Variants in FHIT observed in about 807,000 individuals in gnomAD.
The protein encoded by FHIT is fragile histidine triad diadenosine triphosphatase.
A neutral mutation model predicts 17.9 loss-of-function variants in FHIT; 19 were observed. That is an observed-to-expected ratio of 1.06 (90% CI 0.74 to 1.56). The LOEUF (loss-of-function observed/expected upper bound fraction) is 1.56, where lower values mean the gene tolerates loss of function less well. FHIT is among the 40% of genes most tolerant of loss of function. FHIT has a pLI of 0.00. For synonymous variants in FHIT, 81 were observed against 69.7 expected, an observed-to-expected ratio of 1.16 and a Z score of -0.81; for missense variants, 248 against 189.2, an observed-to-expected ratio of 1.31 and a Z score of -1.82.
chr3:59,907,602 CATGT>C (rs1446093784), intron 8 of FHIT, among the ~76,000 whole-genome samples: 1 of 152,196 alleles, frequency 6.6e-6, no homozygotes, highest in Non-Finnish European at 1.5e-5. Context: ...CACGTGCATG[CATGT>C]GTGTGCATGT....
chr3:59,910,904 A>G (rs1003094173), intron 8 of FHIT, among the ~76,000 whole-genome samples: 5 of 152,218 alleles, frequency 3.3e-5, no homozygotes, highest in African/African-American at 4.8e-5. Context: ...GAAGGAAAAA[A>G]AATTGAAAAC....
At chr3:61,016,137 A>G (rs892563623) in intron 3 of FHIT, among the ~76,000 whole-genome samples, 18 of 152,204 alleles carry the variant, frequency 1.2e-4, no homozygotes, top group African/African-American at 3.9e-4. Context: ...AATTATCTGA[A>G]GCTCATAAGC....
intron 8 of FHIT, among the ~76,000 whole-genome samples, chr3:59,768,434 G>C (rs951299649): frequency 6.6e-6 from 1 of 152,142 alleles, no homozygotes; most frequent in African/African-American, 2.4e-5. Flanking sequence ...TGCACATACT[G>C]TTCTCCCTGC....
At chr3:60,249,267 T>G (rs950683954) in intron 5 of FHIT, among the ~76,000 whole-genome samples, 15 of 152,058 alleles carry the variant, frequency 9.9e-5, no homozygotes, top group African/African-American at 3.6e-4. Context: ...TAAACAAAAG[T>G]TGGGGGAATG....
At chr3:60,350,696 T>C (rs1361205761) in intron 5 of FHIT, among the ~76,000 whole-genome samples, 1 of 152,072 alleles carries the variant, frequency 6.6e-6, no homozygotes, top group African/African-American at 2.4e-5. Context: ...CAAAACCTAT[T>C]TTTTTCTTTT....
intron 3 of FHIT, among the ~76,000 whole-genome samples, chr3:60,917,584 A>T (rs549086549): frequency 4.6e-5 from 7 of 152,268 alleles, no homozygotes; most frequent in African/African-American, 1.7e-4. Context: ...CACATTCCCA[A>T]CTCAGACCCT....
At chr3:60,912,454 A>C (rs565828628) in intron 3 of FHIT, among the ~76,000 whole-genome samples, 2 of 152,202 alleles carry the variant, frequency 1.3e-5, no homozygotes, top group African/African-American at 2.4e-5. Flanking sequence ...AGAAAATGTT[A>C]TATAAAGGTG....
intron 5 of FHIT, among the ~76,000 whole-genome samples, chr3:60,339,307 T>G (rs1710398100): frequency 6.6e-6 from 1 of 152,214 alleles, no homozygotes; most frequent in African/African-American, 2.4e-5. Context: ...AGATTCATTT[T>G]GAGCCAGCAC....
intron 5 of FHIT, among the ~76,000 whole-genome samples, chr3:60,305,016 G>A (rs1708608284): frequency 6.6e-6 from 1 of 152,266 alleles, no homozygotes; most frequent in Non-Finnish European, 1.5e-5. Context: ...TCTGTCCGTT[G>A]TCACATTTTA....
intron 5 of FHIT, among the ~76,000 whole-genome samples, chr3:60,253,217 T>C (rs1322315864): frequency 1.3e-5 from 2 of 152,204 alleles, no homozygotes; most frequent in Non-Finnish European, 2.9e-5. Flanking sequence ...AATACATTTT[T>C]ACTTACAATG....
At chr3:60,114,724 G>A (rs1413894660) in intron 5 of FHIT, among the ~76,000 whole-genome samples, 1 of 151,672 alleles carries the variant, frequency 6.6e-6, no homozygotes, top group Non-Finnish European at 1.5e-5. Flanking sequence ...AAATTCTTGG[G>A]CTCAAGCAAT....
chr3:60,810,415 A>C (rs573806984), intron 4 of FHIT, among the ~76,000 whole-genome samples: 3 of 152,274 alleles, frequency 2.0e-5, no homozygotes, highest in African/African-American at 7.2e-5. Context: ...GCGACACTAC[A>C]CATTTTTTCA....
At chr3:60,313,740 T>C (rs1307799696) in intron 5 of FHIT, among the ~76,000 whole-genome samples, 1 of 151,590 alleles carries the variant, frequency 6.6e-6, no homozygotes, top group Non-Finnish European at 1.5e-5. Context: ...ATTTTGCACA[T>C]TAATTAAAAA....
intron 4 of FHIT, among the ~76,000 whole-genome samples, chr3:60,548,320 C>A (rs553700987): frequency 2.6e-5 from 4 of 152,084 alleles, no homozygotes. Flanking sequence ...TGTTATCAGA[C>A]AACAAGCAGC....
At chr3:60,634,371 G>A (rs1298122635) in intron 4 of FHIT, among the ~76,000 whole-genome samples, 1 of 152,178 alleles carries the variant, frequency 6.6e-6, no homozygotes, top group Non-Finnish European at 1.5e-5. Flanking sequence ...AAATTAGCCA[G>A]GAGCAAAGCA....
chr3:61,057,231 C>T (rs12107509), intron 2 of FHIT, among the ~76,000 whole-genome samples: 22,596 of 152,204 alleles, frequency 0.15, 2,297 homozygotes, highest in African/African-American at 0.29. Flanking sequence ...AATTTGTAAA[C>T]GTGTTATGGT....
At chr3:60,009,319 G>C (rs879271805) in intron 7 of FHIT, among the ~76,000 whole-genome samples, 1 of 151,570 alleles carries the variant, frequency 6.6e-6, no homozygotes, top group Non-Finnish European at 1.5e-5. Context: ...GATCAGGTTG[G>C]AAACAACTGA....
At chr3:60,661,108 G>A (rs1553691038) in intron 4 of FHIT, among the ~76,000 whole-genome samples, 1 of 151,966 alleles carries the variant, frequency 6.6e-6, no homozygotes, top group African/African-American at 2.4e-5. Flanking sequence ...TTGGTTACAT[G>A]AATAGGTTCT....
At chr3:59,810,221 A>G (rs1700360148) in intron 8 of FHIT, among the ~76,000 whole-genome samples, 4 of 152,106 alleles carry the variant, frequency 2.6e-5, no homozygotes, top group Admixed American at 2.6e-4. Context: ...CTGTCTTACC[A>G]CATGAAAAAC....
Sources: allele counts gnomAD v4.1 joint callset (sites outside exome capture counted in the v4.1 genomes callset), GRCh38; gene constraint gnomAD v4.1.1; transcripts MANE v1.5; gene names NCBI Gene and HGNC (gene_info 2026-07-23, HGNC 2026-07-21).